ARHGEF17: variants seen among roughly 807,000 people sequenced by gnomAD.
The protein encoded by ARHGEF17 is 164 kDa Rho-specific guanine-nucleotide exchange factor.
A neutral mutation model predicts 174.0 loss-of-function variants in ARHGEF17; 80 were observed. The ratio of observed to expected loss-of-function variants is 0.46; its 90% CI spans 0.38 to 0.55. ARHGEF17 has a LOEUF of 0.55. Among genes scored for constraint, ARHGEF17 ranks in the 20% least tolerant of loss-of-function variants. ARHGEF17 has a pLI of 0.00. For missense variants in ARHGEF17, 2,886 were observed against 2,839.7 expected (o/e 1.02, Z -0.37); for synonymous variants, 1,311 against 1,189.1 (o/e 1.10, Z -2.11).
Position 73,310,584 on chromosome 11 carries a change from G to T in ARHGEF17, c.1946G>T (p.Gly649Val), listed in dbSNP as rs1329940867. 6.2e-7 allele frequency: 1 copy of T among 1,613,988 alleles called. No individual in the cohort carries two copies. The highest frequency in any genetic ancestry group is 1.1e-5 in the South Asian group (1 of 91,086). The change falls in exon 1 of 21, where the codon GGG becomes GTG. Residue 649 changes from glycine (G) to valine (V), a missense_variant. This residue lies in a region of ARHGEF17 where 1,728 missense variants were observed against 1,461.2 expected (regional missense o/e 1.18). Transcript: ENST00000263674. ...TCCAGTCTGACAGATGAAGGCATTG[G>T]GGCAGACCCTGAGCCTCCTGTTGCA... ...PESSLTDEGI[G>V]ADPEPPVAAF...
intron 1 of ARHGEF17, among the ~76,000 whole-genome samples, chr11:73,332,799 T>C (rs1382666150): frequency 6.6e-6 from 1 of 152,174 alleles, no homozygotes; most frequent in African/African-American, 2.4e-5. Flanking sequence ...ATCATCTTCC[T>C]CTGTAAAACA....
chr11:73,362,799 G>C, intron 14 of ARHGEF17, 65 bp downstream of exon 14: 1 of 1,546,172 alleles, frequency 6.5e-7, no homozygotes, highest in South Asian at 1.2e-5. Context: ...AGAGGAGGGG[G>C]AGAGGAGGGA....
At chr11:73,347,826 G>A (rs141029934) in intron 2 of ARHGEF17, among the ~76,000 whole-genome samples, 12 of 152,188 alleles carry the variant, frequency 7.9e-5, no homozygotes, top group African/African-American at 1.9e-4. Flanking sequence ...ATTGAGATCC[G>A]GCAAGGATAG....
Position 73,310,619 on chromosome 11 carries a change from G to A in ARHGEF17, c.1981G>A (p.Gly661Ser), listed in dbSNP as rs780084735. Residue 661 changes from glycine (G) to serine (S), a missense_variant, in exon 1 of 21, where the codon GGC becomes AGC. Transcript: ENST00000263674. ...DPEPPVAAFCGLGTTGMWRPL... is the reference protein window; with the variant it reads ...DPEPPVAAFCSLGTTGMWRPL... ...TGAGCCTCCTGTTGCAGCATTTTGC[G>A]GCCTGGGTACCACAGGGATGTGGCG... 1.2e-6 allele frequency: 2 copies of A among 1,614,138 alleles called. No individual in the cohort carries two copies. The highest frequency in any genetic ancestry group is 2.2e-5 in the East Asian group (1 of 44,888).
In ARHGEF17 at chr11:73,310,247, T is replaced by A; in HGVS notation, c.1609T>A (p.Leu537Met). 6.2e-7 allele frequency: 1 copy of A among 1,614,038 alleles called. No homozygotes were observed. The highest frequency in any genetic ancestry group is 1.1e-5 in the South Asian group (1 of 91,076). ...SPGTRPTLKD[L>M]TATLRRAKSF... ...TGGCACGCGCCCCACACTCAAGGACTTGACAGCCACTCTGCGGAGAGCAAA... is the reference window on the plus strand; with the variant it reads ...TGGCACGCGCCCCACACTCAAGGACATGACAGCCACTCTGCGGAGAGCAAA... The change falls in exon 1 of 21, where the codon TTG becomes ATG. Residue 537 changes from leucine to methionine, a missense_variant. This residue lies in a region of ARHGEF17 where 1,728 missense variants were observed against 1,461.2 expected (regional missense o/e 1.18). Transcript: ENST00000263674.
rs975572231 is a variant in ARHGEF17, at chr11:73,357,258, G to T, written c.4018G>T (p.Val1340Phe). The T allele has an allele frequency of 7.4e-6, 12 of 1,613,932 alleles. No individual in the cohort carries two copies. Among genetic ancestry groups the T allele is most frequent in the Non-Finnish European group, 1.0e-5 (12 of 1,179,944 alleles). ...SSMSLYTAAS[V>F]IDTASKYKML... is the part of the protein sequence containing the mutation. ...TCCCCACAGGTACACGGCAGCCAGT[G>T]TCATTGACACAGCCAGCAAGTACAA... Residue 1340 changes from valine to phenylalanine, a missense_variant, in exon 9 of 21, where the codon GTC becomes TTC. Around this residue, in one of 4 missense-constraint regions of ARHGEF17, gnomAD observed 353 missense variants for 470.3 expected, o/e 0.75. Coordinates refer to ENST00000263674, the MANE Select transcript of ARHGEF17 (RefSeq NM_014786.4).
chr11:73,352,668 ATC>A (rs1865573755), intron 2 of ARHGEF17, among the ~76,000 whole-genome samples, 160 bp from the exon 3 acceptor site: 1 of 152,038 alleles, frequency 6.6e-6, no homozygotes, highest in African/African-American at 2.4e-5. Flanking sequence ...AGATCTTCCC[ATC>A]TCCCTCCTGG....
chr11:73,329,350 T>A (rs1865157283), intron 1 of ARHGEF17, among the ~76,000 whole-genome samples: 1 of 42,374 alleles, frequency 2.4e-5, no homozygotes, highest in Non-Finnish European at 4.3e-5. Flanking sequence ...TATATATATA[T>A]ATATATATAT....
At chr11:73,312,577 A>G (rs1052777765) in intron 1 of ARHGEF17, among the ~76,000 whole-genome samples, 3 of 152,104 alleles carry the variant, frequency 2.0e-5, no homozygotes, top group Admixed American at 1.3e-4. Flanking sequence ...GAGTTCTGCC[A>G]GAGCCTCCTC....
At position 73,362,166 on chromosome 11, in the gene ARHGEF17, G is replaced by A; in HGVS notation, c.4621G>A (p.Ala1541Thr). The A allele has an allele frequency of 6.3e-7, 1 of 1,596,900 alleles. No individual in the cohort carries two copies. Among genetic ancestry groups the A allele is most frequent in the South Asian group, 1.1e-5 (1 of 89,156 alleles). Residue 1541 changes from alanine (A) to threonine (T), a missense_variant, in exon 13 of 21, where the codon GCC (alanine) becomes ACC (threonine). Physicochemically the swap from Ala to Thr is moderately conservative, Grantham distance 58. Around this residue, in one of 4 missense-constraint regions of ARHGEF17, gnomAD observed 476 missense variants for 473.1 expected, o/e 1.01. Coordinates refer to ENST00000263674, the MANE Select transcript of ARHGEF17 (RefSeq NM_014786.4). ...LSLRAEPDVE[A>T]CIAVCSARIL... ...CCTGCGCGCCGAGCCGGACGTGGAG[G>A]CCTGCATCGCCGTCTGTTCCGCCCG... is the stretch of plus-strand genomic sequence containing the variant.
intron 1 of ARHGEF17, among the ~76,000 whole-genome samples, chr11:73,314,702 C>G (rs113945102): frequency 1.3e-5 from 2 of 152,090 alleles, no homozygotes; most frequent in East Asian, 1.9e-4. Flanking sequence ...GTCTGTGTGC[C>G]GGGAGGTGAG....
intron 1 of ARHGEF17, among the ~76,000 whole-genome samples, chr11:73,313,611 T>C (rs1335626568): frequency 2.0e-5 from 3 of 152,340 alleles, no homozygotes; most frequent in African/African-American, 7.2e-5. Context: ...TAACATGGGC[T>C]TCTCCCTGCC....
intron 2 of ARHGEF17, among the ~76,000 whole-genome samples, chr11:73,349,552 GT>G (rs1865519357): frequency 6.6e-6 from 1 of 152,150 alleles, no homozygotes; most frequent in African/African-American, 2.4e-5. Context: ...GGAGGCAGAG[GT>G]TGCAGCGAGC....
At position 73,326,306 on chromosome 11, in the gene ARHGEF17, G is replaced by A. The variant is rs950198810; in HGVS notation, c.3192+14476G>A. On this transcript the variant is annotated intron_variant, in intron 1 of 20. Transcript: ENST00000263674. Reference sequence around the variant, plus strand: ...GAGAGAACTGCAAAGGTAGAGGCCTGTGATGGAGAAGCCCTGGTGTGTCTG... The same window carrying A: ...GAGAGAACTGCAAAGGTAGAGGCCTATGATGGAGAAGCCCTGGTGTGTCTG... 2.6e-5 allele frequency among the ~76,000 whole-genome samples: 4 copies of A among 152,198 alleles called. No individual in the cohort carries two copies. In the South Asian group the frequency reaches 6.2e-4, roughly 24 times the overall value.
At chr11:73,363,679 G>A (rs1865786932) in intron 15 of ARHGEF17, 68 bp from the exon 16 acceptor site, 7 of 1,588,884 alleles carry the variant, frequency 4.4e-6, no homozygotes, top group Non-Finnish European at 4.3e-6. Flanking sequence ...GGGCAAAGAG[G>A]TGGAGGGATG....
chr11:73,311,484 G>A lies in ARHGEF17; in HGVS notation c.2846G>A (p.Arg949Gln), dbSNP rs775779249. 1.2e-5 allele frequency: 20 copies of A among 1,613,018 alleles called. No individual in the cohort carries two copies. Among genetic ancestry groups the A allele is most frequent in the Admixed American group, 8.3e-5 (5 of 60,006 alleles). Residue 949 changes from arginine to glutamine, a missense_variant, in exon 1 of 21, where the codon CGG becomes CAG. Physicochemically the swap from Arg to Gln is conservative, Grantham distance 43. This residue lies in a region of ARHGEF17 where 1,728 missense variants were observed against 1,461.2 expected (regional missense o/e 1.18). Coordinates refer to ENST00000263674, the MANE Select transcript of ARHGEF17 (RefSeq NM_014786.4). Reference protein sequence around the residue: ...GSQDQTGSLSRARPSSRHVRH... With the variant: ...GSQDQTGSLSQARPSSRHVRH... ...CAGGACCAGACTGGCAGCCTGTCTC[G>A]GGCCCGGCCCTCCTCCAGACACGTT... is the stretch of plus-strand genomic sequence containing the variant.
intron 1 of ARHGEF17, among the ~76,000 whole-genome samples, chr11:73,344,511 C>T (rs779606063): frequency 6.6e-6 from 1 of 152,174 alleles, no homozygotes; most frequent in Non-Finnish European, 1.5e-5. Flanking sequence ...TTGTGGTGCC[C>T]GCTGGGCCTG....
At chr11:73,347,178 C>T (rs1220420217) in intron 2 of ARHGEF17, 6 of 661,398 alleles carry the variant, frequency 9.1e-6, no homozygotes, top group Non-Finnish European at 1.4e-5. Flanking sequence ...GCCAGGCCAC[C>T]CCAGGGCAGG....
In ARHGEF17 at chr11:73,309,159, G is replaced by A. The variant is rs1282770797; in HGVS notation, c.521G>A (p.Arg174Gln). The change falls in exon 1 of 21, where the codon CGG becomes CAG. Residue 174 changes from arginine (R) to glutamine (Q), a missense_variant. Arg to Gln is a conservative substitution (Grantham distance 43). Around this residue, in one of 4 missense-constraint regions of ARHGEF17, gnomAD observed 1,728 missense variants for 1,461.2 expected, o/e 1.18. Transcript: ENST00000263674. ...ESRQPPTPPP[R>Q]TCFPLAGLRS... ...CGGCAGCCACCGACGCCACCCCCTC[G>A]GACATGCTTCCCCCTGGCGGGTCTG... The A allele has an allele frequency of 8.8e-6, 14 of 1,587,932 alleles. No homozygotes were observed. The highest frequency in any genetic ancestry group is 1.2e-5 in the Non-Finnish European group (14 of 1,168,454).
Sources: allele counts gnomAD v4.1 joint callset (sites outside exome capture counted in the v4.1 genomes callset), GRCh38; gene constraint gnomAD v4.1.1; regional missense constraint gnomAD v4.1.1; transcripts MANE v1.5; gene names NCBI Gene and HGNC (gene_info 2026-07-23, HGNC 2026-07-21).